Variants in GTF3C3 observed in about 807,000 individuals in gnomAD.
GTF3C3 encodes the protein general transcription factor IIIC subunit 3.
GTF3C3 carries 75 observed loss-of-function variants against 105.2 expected under a neutral mutation model. That is an observed-to-expected ratio of 0.71 (90% CI 0.59 to 0.86). The LOEUF is 0.86. Among genes scored for constraint, GTF3C3 ranks in the 40% least tolerant of loss-of-function variants. GTF3C3 has a pLI of 0.00. For missense variants in GTF3C3, 856 were observed against 1,076.5 expected (o/e 0.80, Z 2.87); for synonymous variants, 335 against 370.4 (o/e 0.90, Z 1.10).
chr2:196,797,859 G>A lies in GTF3C3; in HGVS notation c.152C>T (p.Ser51Phe). ...AATTCCTGATGATGATGGAACTTCA[G>A]AGTCATCGGGATTTTCTTCAGCTGA... is the stretch of plus-strand genomic sequence containing the variant. ...KLSAEENPDDSEVPSSSGINS... is the reference protein window; with the variant it reads ...KLSAEENPDDFEVPSSSGINS... The change falls in exon 2 of 18, where the codon TCT (serine) becomes TTT (phenylalanine). Residue 51 changes from serine to phenylalanine, a missense_variant. Ser to Phe is a radical substitution (Grantham distance 155). This residue lies in a region of GTF3C3 where 117 missense variants were observed against 114.0 expected (regional missense o/e 1.03). Transcript: ENST00000263956. The A allele has an allele frequency of 6.2e-7, 1 of 1,612,880 alleles. No homozygotes were observed. Among genetic ancestry groups the A allele is most frequent in the African/African-American group, 1.3e-5 (1 of 75,024 alleles).
chr2:196,781,357 A>AAAAAAAAAAAATATATAT, intron 8 of GTF3C3, among the ~76,000 whole-genome samples: 2 of 18,812 alleles, frequency 1.1e-4, no homozygotes, highest in African/African-American at 2.1e-4. Flanking sequence ...AAAAAAAAAA[A>AAAAAAAAAAAATATATAT]ATATATATAT....
intron 15 of GTF3C3, among the ~76,000 whole-genome samples, chr2:196,770,589 G>C (rs937584860): frequency 6.6e-6 from 1 of 152,164 alleles, no homozygotes; most frequent in Non-Finnish European, 1.5e-5. Context: ...GGAGTTTTAT[G>C]AATTACATGT....
intron 14 of GTF3C3, 110 bp from the exon 15 acceptor site, chr2:196,772,048 C>A: frequency 1.5e-6 from 1 of 683,768 alleles, no homozygotes; most frequent in Admixed American, 2.4e-5. Flanking sequence ...TACCATCCTC[C>A]AACAAGGAAA....
chr2:196,789,093 G>A, intron 6 of GTF3C3, 111 bp downstream of exon 6: 1 of 905,746 alleles, frequency 1.1e-6, no homozygotes, highest in East Asian at 2.6e-5. Context: ...AACACATAAG[G>A]CAAAACACTT....
chr2:196,797,204 C>G (rs1699661869), intron 2 of GTF3C3, among the ~76,000 whole-genome samples: 1 of 152,224 alleles, frequency 6.6e-6, no homozygotes, highest in African/African-American at 2.4e-5. Flanking sequence ...AAAAGGGTAT[C>G]AATCACTGAA....
At chr2:196,797,631 C>A (rs550621943) in intron 2 of GTF3C3, among the ~76,000 whole-genome samples, 166 bp downstream of exon 2, 12 of 152,314 alleles carry the variant, frequency 7.9e-5, no homozygotes, top group Non-Finnish European at 1.3e-4. Flanking sequence ...TTCAATAACT[C>A]AACAAATATT....
chr2:196,764,764 A>G lies in GTF3C3; in HGVS notation c.2539-79T>C. 8.3e-6 allele frequency: 11 copies of G among 1,319,076 alleles called. No individual in the cohort carries two copies. The South Asian group carries it at 9.7e-5, about 12-fold the overall frequency. The allele number at this position is 1,319,076 out of a possible 1,614,324, so 81.7% of individuals were successfully genotyped here. A position where few individuals can be genotyped will look rare whatever the true frequency, so the allele number is the denominator to read the frequency against. On this transcript the variant is annotated intron_variant, in intron 17 of 17. Transcript: ENST00000263956. ...AATTTTATGGCAAATTAATAGTTTT[A>G]TAAGTGTAAGTAAGTTTTCAAAAGG...
intron 1 of GTF3C3, among the ~76,000 whole-genome samples, chr2:196,799,065 G>A (rs1189526084): frequency 1.3e-5 from 2 of 152,008 alleles, no homozygotes; most frequent in Non-Finnish European, 2.9e-5. Context: ...TCACACCAGT[G>A]GGAGACTCCT....
chr2:196,767,740 A>C (rs967628752), intron 16 of GTF3C3, among the ~76,000 whole-genome samples: 1 of 152,210 alleles, frequency 6.6e-6, no homozygotes, highest in African/African-American at 2.4e-5. Flanking sequence ...AGAAATATCA[A>C]GTATTCATAG....
At chr2:196,781,342 G>GAAAAAAAAAAAAAAA (rs769914255) in intron 8 of GTF3C3, among the ~76,000 whole-genome samples, 1 of 31,456 alleles carries the variant, frequency 3.2e-5, no homozygotes, top group African/African-American at 1.2e-4. Context: ...ATGTTAAGGG[G>GAAAAAAAAAAAAAAA]AAAAAAAAAA....
At chr2:196,771,709 CTAT>C in intron 15 of GTF3C3, 36 bp downstream of exon 15, 1 of 1,419,412 alleles carries the variant, frequency 7.0e-7, no homozygotes, top group Non-Finnish European at 1.0e-6. Context: ...CTTCACCACA[CTAT>C]TTATGCTTGA....
chr2:196,794,335 CAT>C (rs1485293677), intron 2 of GTF3C3, among the ~76,000 whole-genome samples: 2 of 152,076 alleles, frequency 1.3e-5, no homozygotes, highest in Non-Finnish European at 2.9e-5. Context: ...CAAAGATAGA[CAT>C]GTAACATATT....
chr2:196,791,500 G>A (rs751873103), intron 3 of GTF3C3, 40 bp from the exon 4 acceptor site: 16 of 1,535,938 alleles, frequency 1.0e-5, no homozygotes, highest in Non-Finnish European at 3.6e-6. Flanking sequence ...AAAATATAGT[G>A]AAGTCTTAGA....
At chr2:196,781,325 A>G (rs961323765) in intron 8 of GTF3C3, among the ~76,000 whole-genome samples, 2 of 124,320 alleles carry the variant, frequency 1.6e-5, no homozygotes, top group Non-Finnish European at 3.4e-5. Flanking sequence ...TGAACTGCAG[A>G]TCAAAAATGT....
intron 8 of GTF3C3, among the ~76,000 whole-genome samples, chr2:196,783,260 A>AAGGGAAGG (rs1226978521): frequency 7.8e-5 from 11 of 140,378 alleles, no homozygotes; most frequent in Non-Finnish European, 1.6e-4. Flanking sequence ...GCCAGGAAGG[A>AAGGGAAGG]AGGGAAGGAG....
chr2:196,775,048 G>C, intron 13 of GTF3C3, 68 bp downstream of exon 13: 1 of 1,131,428 alleles, frequency 8.8e-7, no homozygotes, highest in South Asian at 1.4e-5. Flanking sequence ...TTGCTGTCCA[G>C]TGTTACTTCA....
At chr2:196,783,067 A>G (rs1289207122) in intron 8 of GTF3C3, among the ~76,000 whole-genome samples, 2 of 152,190 alleles carry the variant, frequency 1.3e-5, no homozygotes, top group Non-Finnish European at 2.9e-5. Flanking sequence ...TGCATACTAA[A>G]AAACTACCTT....
intron 8 of GTF3C3, 76 bp downstream of exon 8, chr2:196,784,780 TA>T: frequency 6.8e-7 from 1 of 1,480,566 alleles, no homozygotes; most frequent in South Asian, 1.5e-5. Flanking sequence ...CAGTATGAAA[TA>T]AATTTTCACC....
Position 196,763,270 on chromosome 2 carries a change from C to T in GTF3C3, c.*1293G>A, listed in dbSNP as rs1699001807. ...TTTCCCTTAGGGAGACTTATTTCCT[C>T]CACGGCTATTTAGTAGACACTGGAG... On this transcript the variant is annotated 3_prime_UTR_variant, in exon 18 of 18. Coordinates refer to ENST00000263956, the MANE Select transcript of GTF3C3 (RefSeq NM_012086.5). The T allele has an allele frequency of 6.6e-6, 1 of 152,058 alleles. No individual in the cohort carries two copies. Among genetic ancestry groups the T allele is most frequent in the Non-Finnish European group, 1.5e-5 (1 of 68,022 alleles). The allele number at this position is 152,058 out of a possible 1,614,324, so 9.4% of individuals were successfully genotyped here.
Sources: allele counts gnomAD v4.1 joint callset (sites outside exome capture counted in the v4.1 genomes callset), GRCh38; gene constraint gnomAD v4.1.1; regional missense constraint gnomAD v4.1.1; transcripts MANE v1.5; gene names NCBI Gene and HGNC (gene_info 2026-07-23, HGNC 2026-07-21).